Variants in TBC1D19 observed in about 807,000 individuals in gnomAD.
TBC1D19 encodes TBC1 domain family member 19, also known as TBC1 domain family, member 19.
In TBC1D19, 60 loss-of-function variants were observed where a neutral mutation model predicts 89.0. The observed-to-expected ratio is 0.67, with a 90% CI of 0.55 to 0.84. The LOEUF (loss-of-function observed/expected upper bound fraction) is 0.84. Among genes scored for constraint, TBC1D19 ranks in the 40% least tolerant of loss-of-function variants. TBC1D19 has a pLI of 0.00. For synonymous variants in TBC1D19, 189 were observed against 199.7 expected (o/e 0.95, Z 0.45); for missense variants, 500 against 610.8 (o/e 0.82, Z 1.91).
chr4:26,736,011 A>G (rs1318400407), intron 16 of TBC1D19, among the ~76,000 whole-genome samples: 1 of 145,316 alleles, frequency 6.9e-6, no homozygotes. Flanking sequence ...ATCTAGAACT[A>G]GAAATACCAT....
intron 13 of TBC1D19, among the ~76,000 whole-genome samples, chr4:26,701,519 C>T (rs779679735): frequency 1.3e-5 from 2 of 151,952 alleles, no homozygotes; most frequent in Non-Finnish European, 1.5e-5. Flanking sequence ...AAAAATTTTC[C>T]TTAACATCGT....
At chr4:26,800,973 T>A in the TBC1D19 span, among the ~76,000 whole-genome samples, 1 of 152,206 alleles carries the variant, frequency 6.6e-6, no homozygotes, top group East Asian at 1.9e-4. Context: ...TTCACTCTGA[T>A]GGTAGTTTCT....
At chr4:26,757,481 C>A (rs528801621), downstream of TBC1D19, among the ~76,000 whole-genome samples, 3 of 152,304 alleles carry the variant, frequency 2.0e-5, no homozygotes, top group African/African-American at 7.2e-5. Flanking sequence ...ATTGATGTAG[C>A]CTAATAGGCA....
intron 7 of TBC1D19, among the ~76,000 whole-genome samples, chr4:26,646,041 T>G (rs1223289429): frequency 6.9e-6 from 1 of 145,780 alleles, no homozygotes; most frequent in Non-Finnish European, 1.5e-5. Context: ...GAGAATGGCG[T>G]GACCCCGGGA....
At chr4:26,857,974 A>G in the TBC1D19 span, 3 of 152,250 alleles carry the variant, frequency 2.0e-5, no homozygotes, top group Non-Finnish European at 2.9e-5. Context: ...AGCCAAGAAC[A>G]CGCTTAGAAT....
In TBC1D19 at chr4:26,613,159, T is replaced by C; in HGVS notation, c.100-10T>C. ...TTATCTTTCTTTTTTATTATTATTA[T>C]TATTCTTAGGCCAGTCTTCAGAGAC... On this transcript the variant is annotated splice_polypyrimidine_tract_variant and intron_variant, in intron 1 of 20. Coordinates refer to ENST00000264866, the MANE Select transcript of TBC1D19 (RefSeq NM_018317.4). 3 of 1,488,760 alleles carry C rather than the reference T, an allele frequency of 2.0e-6. No individual in the cohort carries two copies. The highest frequency in any genetic ancestry group is 2.7e-6 in the Non-Finnish European group (3 of 1,098,868). The allele number at this position is 1,488,760 out of a possible 1,614,324, so 92.2% of individuals were successfully genotyped here. A position where few individuals can be genotyped will look rare whatever the true frequency, so the allele number is the denominator to read the frequency against.
chr4:26,780,168 T>G, the TBC1D19 span, among the ~76,000 whole-genome samples: 1 of 152,228 alleles, frequency 6.6e-6, no homozygotes, highest in East Asian at 1.9e-4. Flanking sequence ...AGGGAAAAAC[T>G]GAGACCTTAG....
chr4:26,610,408 G>C (rs1012741595), intron 1 of TBC1D19, among the ~76,000 whole-genome samples: 3 of 141,312 alleles, frequency 2.1e-5, no homozygotes, highest in Non-Finnish European at 4.6e-5. Flanking sequence ...TCACTTTTCT[G>C]CATTTCTTTT....
the TBC1D19 span, among the ~76,000 whole-genome samples, chr4:26,772,652 G>T: frequency 6.6e-6 from 1 of 152,084 alleles, no homozygotes; most frequent in South Asian, 2.1e-4. Flanking sequence ...CCCAGTGTGT[G>T]TTGCTCCCTG....
Position 26,686,641 on chromosome 4 carries a change from T to C in TBC1D19, c.892-1704T>C, listed in dbSNP as rs1037583862. ...TGGTCGGCCACATACCATTGTAATATGTAAAATTTGTTGACCTCCAGGAAC... is the reference window on the plus strand; with the variant it reads ...TGGTCGGCCACATACCATTGTAATACGTAAAATTTGTTGACCTCCAGGAAC... On this transcript the variant is annotated intron_variant, in intron 12 of 20. Transcript: ENST00000264866. Among the ~76,000 whole-genome samples, 11 of 152,274 alleles carry C rather than the reference T, an allele frequency of 7.2e-5. No homozygotes were observed. In the South Asian group the frequency reaches 1.0e-3, roughly 14 times the overall value.
chr4:26,643,327 A>G (rs991873757), intron 7 of TBC1D19, among the ~76,000 whole-genome samples: 5 of 152,222 alleles, frequency 3.3e-5, no homozygotes, highest in Non-Finnish European at 5.9e-5. Flanking sequence ...CTGAATGACT[A>G]CTGGGTACAT....
chr4:26,725,437 A>C (rs563702581), intron 15 of TBC1D19, among the ~76,000 whole-genome samples: 1 of 151,990 alleles, frequency 6.6e-6, no homozygotes, highest in Non-Finnish European at 1.5e-5. Context: ...CCCAAGACAA[A>C]GTCTTGCTCT....
chr4:26,818,425 G>A, the TBC1D19 span, among the ~76,000 whole-genome samples: 2 of 151,820 alleles, frequency 1.3e-5, no homozygotes, highest in Non-Finnish European at 1.5e-5. Context: ...GATGGGGGTG[G>A]GAGTTGCCAG....
chr4:26,735,407 A>T (rs1407405582), intron 15 of TBC1D19, 48 bp from the exon 16 acceptor site: 3 of 1,436,086 alleles, frequency 2.1e-6, no homozygotes, highest in Non-Finnish European at 2.8e-6. Flanking sequence ...TTACCTAATA[A>T]TCAGTAGGCC....
chr4:26,621,780 A>G (rs1742064229), intron 4 of TBC1D19, among the ~76,000 whole-genome samples: 1 of 152,210 alleles, frequency 6.6e-6, no homozygotes, highest in African/African-American at 2.4e-5. Flanking sequence ...ATAAAGCATA[A>G]TAAATAATAC....
At chr4:26,722,072 C>G (rs1717011757) in intron 15 of TBC1D19, among the ~76,000 whole-genome samples, 1 of 152,088 alleles carries the variant, frequency 6.6e-6, no homozygotes, top group African/African-American at 2.4e-5. Context: ...ATCTCCTCCT[C>G]TTAATTGCAA....
intron 2 of TBC1D19, 105 bp downstream of exon 2, chr4:26,613,346 G>A (rs1482230169): frequency 3.0e-5 from 21 of 705,360 alleles, no homozygotes; most frequent in African/African-American, 3.8e-5. Context: ...CTTTGTTGTC[G>A]TTCTGTTTTG....
the TBC1D19 span, among the ~76,000 whole-genome samples, chr4:26,777,029 G>T: frequency 6.6e-6 from 1 of 151,878 alleles, no homozygotes; most frequent in South Asian, 2.1e-4. Flanking sequence ...TAGAACTATA[G>T]TTGCAGAATT....
In TBC1D19 at chr4:26,728,591, G is replaced by A. The variant is rs114585658; in HGVS notation, c.1085-6864G>A. ...AAGACTTGAAAAAGAAATGTTTTTT[G>A]AGCTCTCCTTCCAGATGGTCCCTGG... On this transcript the variant is annotated intron_variant, in intron 15 of 20. Transcript: ENST00000264866. 6.4e-3 allele frequency among the ~76,000 whole-genome samples: 977 copies of A among 152,250 alleles called. 9 individuals carry two copies. Among genetic ancestry groups the A allele is most frequent in the African/African-American group, 0.023 (936 of 41,564 alleles).
Sources: allele counts gnomAD v4.1 joint callset (sites outside exome capture counted in the v4.1 genomes callset), GRCh38; gene constraint gnomAD v4.1.1; transcripts MANE v1.5; gene names NCBI Gene and HGNC (gene_info 2026-07-23, HGNC 2026-07-21).